Variants in PMP22 observed in about 807,000 individuals in gnomAD.
The protein encoded by PMP22 is Charcot-Marie-Tooth neuropathy 1A (greatly reduced nerve conduction velocity, hereditary motor sensory neuropathy Ia).
Under a neutral mutation model 18.9 loss-of-function variants are expected in PMP22, and 2 were observed. The observed-to-expected ratio is 0.11, with a 90% CI of 0.04 to 0.33. PMP22 has a LOEUF of 0.33. Ranked by LOEUF, PMP22 falls within the 10% of genes least tolerant of loss-of-function variation. PMP22 has a pLI of 1.00. For synonymous variants in PMP22, 95 were observed against 89.2 expected (o/e 1.07, Z -0.37); for missense variants, 169 against 202.2 (o/e 0.84, Z 1.00).
chr17:15,231,149 C>T lies in PMP22; in HGVS notation c.320-69G>A, dbSNP rs115550032. ...CAGAGCGGCCCCCTCTCCGCCACCC[C>T]GGATGCTGACAATTGCTGGGTAGGA... is the stretch of plus-strand genomic sequence containing the variant. On this transcript the variant is annotated intron_variant, in intron 4 of 4. Transcript: ENST00000312280. 1.3e-3 allele frequency: 1,883 copies of T among 1,460,844 alleles called. 20 individuals carry two copies. In the African/African-American group the frequency reaches 0.023, roughly 18 times the overall value. The allele number at this position is 1,460,844 out of a possible 1,614,324, so 90.5% of individuals were successfully genotyped here.
intron 3 of PMP22, among the ~76,000 whole-genome samples, chr17:15,248,078 C>T (rs1031481449): frequency 7.2e-5 from 11 of 152,192 alleles, no homozygotes; most frequent in African/African-American, 2.4e-4. Flanking sequence ...TGGCCTTTGC[C>T]CATATGCTTC....
chr17:15,254,123 A>T (rs1908604081), intron 3 of PMP22, among the ~76,000 whole-genome samples: 1 of 152,244 alleles, frequency 6.6e-6, no homozygotes, highest in Non-Finnish European at 1.5e-5. Flanking sequence ...CAGAAGCAGG[A>T]GTGGATCATT....
At chr17:15,232,027 C>T (rs1214699065) in intron 4 of PMP22, among the ~76,000 whole-genome samples, 1 of 152,104 alleles carries the variant, frequency 6.6e-6, no homozygotes, top group Admixed American at 6.6e-5. Context: ...GGTCTGTTTC[C>T]TCCCTGAAAA....
In PMP22 at chr17:15,263,073, C is replaced by T. The variant is rs527612136; in HGVS notation, c.-35+2081G>A. Among the ~76,000 whole-genome samples, 52 of 152,338 alleles carry T rather than the reference C, an allele frequency of 3.4e-4. No homozygotes were observed. The South Asian group carries it at 7.5e-3, about 22-fold the overall frequency. ...GTCTTAGCCGGACACACCTGCCCCG[C>T]GCCGGTCCCCGCTATTACTGTCTGC... On this transcript the variant is annotated intron_variant, in intron 1 of 4. Coordinates refer to ENST00000312280, the MANE Select transcript of PMP22 (RefSeq NM_000304.4).
intron 4 of PMP22, among the ~76,000 whole-genome samples, chr17:15,233,583 A>G (rs940565775): frequency 2.6e-5 from 4 of 152,220 alleles, no homozygotes; most frequent in African/African-American, 9.6e-5. Flanking sequence ...AGCTGAGGGA[A>G]TTCCCAGTAC....
At chr17:15,259,951 A>AAAAAAG (rs1555568640) in intron 2 of PMP22, among the ~76,000 whole-genome samples, 7 of 151,338 alleles carry the variant, frequency 4.6e-5, no homozygotes, top group Admixed American at 1.3e-4. Flanking sequence ...AAAAAAAAAA[A>AAAAAAG]AAAAGAAAAG....
chr17:15,264,217 G>A (rs143139032), intron 1 of PMP22, among the ~76,000 whole-genome samples: 1 of 98,668 alleles, frequency 1.0e-5, no homozygotes, highest in Non-Finnish European at 2.1e-5. Flanking sequence ...CTGATAGGTA[G>A]GTAGGTAGGT....
chr17:15,234,364 C>A (rs1906612030), intron 4 of PMP22, among the ~76,000 whole-genome samples: 1 of 152,178 alleles, frequency 6.6e-6, no homozygotes, highest in Non-Finnish European at 1.5e-5. Flanking sequence ...GGTAACCTCG[C>A]AAAAGCACTT....
In PMP22 at chr17:15,230,807, G is replaced by T; in HGVS notation, c.*110C>A. 8.6e-7 allele frequency: 1 copy of T among 1,162,796 alleles called. No individual in the cohort carries two copies. Among genetic ancestry groups the T allele is most frequent in the Non-Finnish European group, 1.3e-6 (1 of 780,548 alleles). 72.0% of individuals were successfully genotyped at this position (1,162,796 alleles called of 1,614,324 possible). On this transcript the variant is annotated 3_prime_UTR_variant, in exon 5 of 5. Transcript: ENST00000312280. ...ACCTCCACTGCTTTCTGTTTGGTTT[G>T]GTTTGAGTTTGGGATTTTGGGCTAG...
chr17:15,242,942 C>T (rs192622854), intron 3 of PMP22, among the ~76,000 whole-genome samples: 7 of 151,800 alleles, frequency 4.6e-5, no homozygotes, highest in African/African-American at 1.7e-4. Context: ...GATAATTCCT[C>T]GGATTAAAAA....
chr17:15,237,965 A>T (rs1220826159), intron 4 of PMP22, among the ~76,000 whole-genome samples: 3 of 151,824 alleles, frequency 2.0e-5, no homozygotes, highest in Non-Finnish European at 2.9e-5. Context: ...GGATATGATC[A>T]TTATTTGATT....
chr17:15,240,194 G>T (rs918341220), intron 3 of PMP22, among the ~76,000 whole-genome samples: 1 of 152,114 alleles, frequency 6.6e-6, no homozygotes, highest in Non-Finnish European at 1.5e-5. Flanking sequence ...TTGCCCTCAG[G>T]GGTCTTTGAA....
In PMP22 at chr17:15,247,406, T is replaced by C. The variant is rs549565010; in HGVS notation, c.179-7795A>G. Among the ~76,000 whole-genome samples the C allele has an allele frequency of 2.0e-5, 3 of 152,302 alleles. No individual in the cohort carries two copies. In the South Asian group the frequency reaches 6.2e-4, roughly 32 times the overall value. On this transcript the variant is annotated intron_variant, in intron 3 of 4. Transcript: ENST00000312280. The stretch of plus-strand genomic sequence containing the variant: ...CAACAAAACTAAAGCTAAAGCTCTT[T>C]GCAGGCCTCCTGTTCTGAGAGTGTC...
rs1022916888 is a variant in PMP22 at position 15,261,452 on chromosome 17, C to G, written c.-34-691G>C. 2 of 152,526 alleles carry G rather than the reference C, an allele frequency of 1.3e-5. No homozygotes were observed. Among genetic ancestry groups the G allele is most frequent in the Non-Finnish European group, 2.9e-5 (2 of 68,364 alleles). 9.4% of individuals were successfully genotyped at this position (152,526 alleles called of 1,614,324 possible). On this transcript the variant is annotated intron_variant, in intron 1 of 4. Transcript: ENST00000312280. The surrounding 1 kb of genome is among the most constrained non-coding windows in gnomAD (Gnocchi z 5.2). ...GTAGTGTGGAAAGAAAAGAATGGCT[C>G]GAGAGGGTTGCCCGGACCCTGCGCT...
chr17:15,257,710 T>A (rs1210071419), intron 3 of PMP22, among the ~76,000 whole-genome samples: 1 of 152,190 alleles, frequency 6.6e-6, no homozygotes. Flanking sequence ...CCACGTAATT[T>A]CTGGGATGGC....
chr17:15,263,583 G>GCGCACACACA (rs71353722), intron 1 of PMP22, among the ~76,000 whole-genome samples: 30 of 150,048 alleles, frequency 2.0e-4, no homozygotes, highest in African/African-American at 7.3e-4. Flanking sequence ...GCACGCGCGC[G>GCGCACACACA]CACACACACA....
At chr17:15,256,816 A>G (rs1048935374) in intron 3 of PMP22, among the ~76,000 whole-genome samples, 32 of 152,218 alleles carry the variant, frequency 2.1e-4, no homozygotes, top group African/African-American at 7.5e-4. Flanking sequence ...TGCAGCCACA[A>G]TTGTTAAACT....
intron 1 of PMP22, chr17:15,260,968 GC>G (rs1473808932): frequency 2.1e-5 from 7 of 326,202 alleles, no homozygotes; most frequent in African/African-American, 1.5e-4. Flanking sequence ...AGTGCCCAGC[GC>G]CCAGCCGGGC....
At chr17:15,237,284 G>A (rs3785653) in intron 4 of PMP22, among the ~76,000 whole-genome samples, 24,430 of 152,138 alleles carry the variant, frequency 0.16, 3,154 homozygotes, top group African/African-American at 0.35. Flanking sequence ...CTTATCTCTG[G>A]ACTTTGAGTT....
Sources: gnomAD v4.1 joint callset for allele counts (sites outside exome capture counted in the v4.1 genomes callset) on GRCh38, gnomAD v4.1.1 for gene constraint, Gnocchi (gnomAD v3.1) non-coding constraint, MANE v1.5 for transcripts, NCBI Gene and HGNC (gene_info 2026-07-23, HGNC 2026-07-21) for gene names.